TRAPPC9: variants seen among roughly 807,000 people sequenced by gnomAD.
TRAPPC9 encodes IKK2 binding protein.
In TRAPPC9, 83 loss-of-function variants were observed where a neutral mutation model predicts 124.0. The ratio of observed to expected loss-of-function variants is 0.67; its 90% confidence interval spans 0.56 to 0.80. TRAPPC9 has a LOEUF of 0.80. Ranked by LOEUF, TRAPPC9 falls within the 30% of genes least tolerant of loss-of-function variation. TRAPPC9 has a pLI of 0.00. For synonymous variants in TRAPPC9, 638 were observed against 617.5 expected, an observed-to-expected ratio of 1.03 and a Z score of -0.49; for missense variants, 1,302 against 1,508.3, an observed-to-expected ratio of 0.86 and a Z score of 2.27.
intron 8 of TRAPPC9, among the ~76,000 whole-genome samples, chr8:140,368,722 A>G (rs952940893): frequency 6.6e-6 from 1 of 150,744 alleles, no homozygotes; most frequent in Admixed American, 6.6e-5. Flanking sequence ...GCCTCCCTTC[A>G]CTCCCCTTCA....
intron 17 of TRAPPC9, among the ~76,000 whole-genome samples, chr8:140,122,023 TTCTCTCTCTCTCTC>T (rs533446141): frequency 4.3e-5 from 6 of 138,534 alleles, no homozygotes; most frequent in South Asian, 4.9e-4. Context: ...CTTTCTTTCT[TTCTCTCTCTCTCTC>T]TCTCTCTCTC....
At chr8:140,169,758 C>T (rs1204902801) in intron 17 of TRAPPC9, among the ~76,000 whole-genome samples, 2 of 151,900 alleles carry the variant, frequency 1.3e-5, no homozygotes, top group African/African-American at 2.4e-5. Context: ...GAGCCGGGGT[C>T]GGGAGGAGGA....
At chr8:139,760,407 C>T (rs867459136) in intron 21 of TRAPPC9, among the ~76,000 whole-genome samples, 12 of 152,092 alleles carry the variant, frequency 7.9e-5, no homozygotes, top group South Asian at 2.1e-4. Context: ...CTGTCTCAGG[C>T]GGACAGAAAG....
intron 21 of TRAPPC9, among the ~76,000 whole-genome samples, chr8:139,874,502 G>C (rs931473697): frequency 2.0e-4 from 30 of 152,246 alleles, no homozygotes; most frequent in African/African-American, 6.3e-4. Context: ...GCCCAGGCGA[G>C]GCACAAACGT....
chr8:140,198,384 G>A (rs1410723079), intron 17 of TRAPPC9, among the ~76,000 whole-genome samples: 1 of 152,102 alleles, frequency 6.6e-6, no homozygotes, highest in Non-Finnish European at 1.5e-5. Flanking sequence ...CCGCTCCTAA[G>A]ATCACTGCTT....
intron 21 of TRAPPC9, among the ~76,000 whole-genome samples, chr8:139,747,431 GGAGGTGTCC>G (rs1818973256): frequency 6.6e-6 from 1 of 150,720 alleles, no homozygotes; most frequent in Non-Finnish European, 1.5e-5. Context: ...GAGTGGGTGT[GGAGGTGTCC>G]AGGGGTCAGA....
At chr8:140,047,586 G>A (rs779181634) in intron 17 of TRAPPC9, among the ~76,000 whole-genome samples, 2 of 151,848 alleles carry the variant, frequency 1.3e-5, no homozygotes, top group African/African-American at 4.8e-5. Context: ...TGGGCCCAGC[G>A]GCCGCTGCTC....
intron 17 of TRAPPC9, among the ~76,000 whole-genome samples, chr8:140,143,864 T>A (rs573619576): frequency 1.3e-5 from 2 of 152,358 alleles, no homozygotes; most frequent in African/African-American, 4.8e-5. Context: ...AAGGTTTTCA[T>A]AAAACTATGT....
chr8:139,782,973 G>C (rs890729388), intron 21 of TRAPPC9, among the ~76,000 whole-genome samples: 1 of 151,990 alleles, frequency 6.6e-6, no homozygotes, highest in Non-Finnish European at 1.5e-5. Context: ...AATTAAGTGA[G>C]AAATTAAGAA....
chr8:140,285,393 T>G (rs1042287012), intron 13 of TRAPPC9, among the ~76,000 whole-genome samples: 1 of 152,200 alleles, frequency 6.6e-6, no homozygotes, highest in African/African-American at 2.4e-5. Context: ...GCTTGATCAC[T>G]GCTGTCCCTG....
chr8:140,259,239 T>C (rs1368547239), intron 15 of TRAPPC9, among the ~76,000 whole-genome samples: 2 of 152,196 alleles, frequency 1.3e-5, no homozygotes, highest in African/African-American at 2.4e-5. Flanking sequence ...ACTCTATGCG[T>C]CCTTCACAAG....
At chr8:140,227,577 T>C (rs1469207922) in intron 16 of TRAPPC9, among the ~76,000 whole-genome samples, 1 of 152,232 alleles carries the variant, frequency 6.6e-6, no homozygotes. Context: ...GACAATTTTG[T>C]ATGCTAAAAT....
intron 18 of TRAPPC9, among the ~76,000 whole-genome samples, chr8:140,008,885 A>G (rs1838937052): frequency 6.6e-6 from 1 of 152,242 alleles, no homozygotes; most frequent in Non-Finnish European, 1.5e-5. Context: ...ATATCCCAGT[A>G]GGAAAGGCTG....
chr8:140,332,592 C>A (rs532854754), intron 9 of TRAPPC9, among the ~76,000 whole-genome samples: 2 of 151,830 alleles, frequency 1.3e-5, no homozygotes, highest in Admixed American at 1.3e-4. Context: ...TAAACATATA[C>A]AATTACTGTA....
At chr8:139,899,159 A>C (rs1185522138) in intron 20 of TRAPPC9, among the ~76,000 whole-genome samples, 2 of 151,562 alleles carry the variant, frequency 1.3e-5, no homozygotes, top group Non-Finnish European at 2.9e-5. Flanking sequence ...AAAAAAACAG[A>C]AACAAACAAA....
chr8:140,309,409 G>A (rs777027897), intron 10 of TRAPPC9, among the ~76,000 whole-genome samples: 8 of 152,188 alleles, frequency 5.3e-5, no homozygotes, highest in Admixed American at 2.6e-4. Context: ...AGGGCCTCTC[G>A]CTTAACTCCA....
intron 19 of TRAPPC9, among the ~76,000 whole-genome samples, chr8:139,929,973 G>A (rs147888618): frequency 6.6e-6 from 1 of 152,366 alleles, no homozygotes; most frequent in African/African-American, 2.4e-5. Flanking sequence ...AGCAGCACCT[G>A]ACACACAGAA....
At position 139,742,934 on chromosome 8, in the gene TRAPPC9, G is replaced by C. The variant is rs1194497874; in HGVS notation, c.3056-10732C>G. On this transcript the variant is annotated intron_variant, in intron 21 of 22. Coordinates refer to ENST00000438773, the MANE Select transcript of TRAPPC9 (RefSeq NM_001160372.4). The surrounding 1 kb of genome is among the most constrained non-coding windows in gnomAD (Gnocchi z 4.7). The stretch of plus-strand genomic sequence containing the variant: ...CACCCTAGAGAGGCGGGTTTCCTCT[G>C]TCTAGGGTGGTGCTGAGCATGAGTT... Among the ~76,000 whole-genome samples the C allele has an allele frequency of 6.6e-6, 1 of 152,100 alleles. No homozygotes were observed. Among genetic ancestry groups the C allele is most frequent in the Non-Finnish European group, 1.5e-5 (1 of 68,012 alleles).
Position 139,885,891 on chromosome 8 carries a change from G to A in TRAPPC9, c.3043C>T (p.Pro1015Ser). The A allele has an allele frequency of 1.3e-6, 2 of 1,565,016 alleles. No homozygotes were observed. Among genetic ancestry groups the A allele is most frequent in the Non-Finnish European group, 1.7e-6 (2 of 1,154,150 alleles). Residue 1015 changes from proline (P) to serine (S), a missense_variant, in exon 21 of 23, where the codon CCT becomes TCT. This residue lies in a region of TRAPPC9 where 640 missense variants were observed against 679.3 expected (regional missense o/e 0.94). Transcript: ENST00000438773. ...GGCGGGTACTCACCCCACTGCAGAG[G>A]CGCCAGCTGCAGGTGCTCCAGGACG... ...QLVLEHLQLA[P>S]LQWDVLVDGQ...
Sources: allele counts gnomAD v4.1 joint callset (sites outside exome capture counted in the v4.1 genomes callset), GRCh38; gene constraint gnomAD v4.1.1; regional missense constraint gnomAD v4.1.1; non-coding constraint Gnocchi (gnomAD v3.1); transcripts MANE v1.5; gene names NCBI Gene and HGNC (gene_info 2026-07-23, HGNC 2026-07-21).